VPS4B: variants seen among roughly 807,000 people sequenced by gnomAD.
The protein encoded by VPS4B is vacuolar protein sorting-associated protein 4B.
A neutral mutation model predicts 56.1 loss-of-function variants in VPS4B; 23 were observed. That is an observed-to-expected ratio of 0.41 (90% CI 0.30 to 0.58). The LOEUF (loss-of-function observed/expected upper bound fraction) is 0.58, where lower values mean the gene tolerates loss of function less well. Among genes scored for constraint, VPS4B ranks in the 20% least tolerant of loss-of-function variants. VPS4B has a pLI of 0.29. For synonymous variants in VPS4B, 177 were observed against 186.0 expected, an observed-to-expected ratio of 0.95 and a Z score of 0.39; for missense variants, 372 against 531.9, an observed-to-expected ratio of 0.70 and a Z score of 2.96.
intron 7 of VPS4B, 109 bp from the exon 8 acceptor site, chr18:63,399,432 T>C (rs1019225510): frequency 2.2e-6 from 2 of 893,552 alleles, no homozygotes; most frequent in Admixed American, 4.5e-5. Context: ...AAGTGCTTCA[T>C]CTTGAGAGTC....
intron 1 of VPS4B, 142 bp from the exon 2 acceptor site, chr18:63,411,720 A>G (rs1916050340): frequency 1.0e-5 from 5 of 480,314 alleles, no homozygotes; most frequent in Non-Finnish European, 1.7e-5. Flanking sequence ...TAAGTAAAAA[A>G]TAAACAGTAA....
chr18:63,400,473 T>G, intron 6 of VPS4B, 74 bp downstream of exon 6: 1 of 1,437,496 alleles, frequency 7.0e-7, no homozygotes, highest in Non-Finnish European at 9.4e-7. Context: ...ATAAGTGATG[T>G]AAGAAATCTA....
intron 5 of VPS4B, among the ~76,000 whole-genome samples, chr18:63,402,666 T>G (rs922763415): frequency 6.6e-6 from 1 of 152,220 alleles, no homozygotes; most frequent in Admixed American, 6.5e-5. Context: ...GACTCATGTT[T>G]GAGAAAAAGT....
At chr18:63,407,277 C>T in intron 4 of VPS4B, 155 bp downstream of exon 4, 1 of 647,136 alleles carries the variant, frequency 1.5e-6, no homozygotes, top group Non-Finnish European at 2.6e-6. Flanking sequence ...CCTAAGAAAA[C>T]ACTCTAAACA....
Position 63,397,094 on chromosome 18 carries a change from A to G in VPS4B, c.1032T>C (p.Ile344=), listed in dbSNP as rs750420066. Residue 344 remains isoleucine (I), a synonymous_variant, in exon 9 of 11, where the codon ATT becomes ATC. Transcript: ENST00000238497. ...CAGGCTGCATAAGGGCATCACGTACAATGATACTTATATCTGCCCCTGAAT... is the reference window on the plus strand; with the variant it reads ...CAGGCTGCATAAGGGCATCACGTACGATGATACTTATATCTGCCCCTGAAT... ...DGYSGADISI[I]VRDALMQPVR... 6 of 1,614,052 alleles carry G rather than the reference A, an allele frequency of 3.7e-6. No individual in the cohort carries two copies. In the East Asian group the frequency reaches 1.1e-4, roughly 30 times the overall value.
At chr18:63,396,098 T>C (rs934225784) in intron 9 of VPS4B, among the ~76,000 whole-genome samples, 2 of 152,218 alleles carry the variant, frequency 1.3e-5, no homozygotes, top group Non-Finnish European at 2.9e-5. Flanking sequence ...CTTTATGAGG[T>C]ATAAATGCAC....
intron 2 of VPS4B, among the ~76,000 whole-genome samples, chr18:63,410,972 C>T (rs1916028006): frequency 6.6e-6 from 1 of 152,194 alleles, no homozygotes. Flanking sequence ...TTTGGCAACA[C>T]GTGCAATAGA....
chr18:63,402,846 C>T (rs143777213), intron 5 of VPS4B, among the ~76,000 whole-genome samples: 2 of 152,318 alleles, frequency 1.3e-5, no homozygotes, highest in South Asian at 2.1e-4. Flanking sequence ...CTCTTCATCA[C>T]TGCTCTATAC....
Position 63,398,204 on chromosome 18 carries a change from C to CAT in VPS4B, c.873-953_873-952dup, listed in dbSNP as rs200905713. Among the ~76,000 whole-genome samples the CAT allele has an allele frequency of 3.5e-3, 396 of 112,444 alleles. 4 individuals are homozygous for CAT. Among genetic ancestry groups the CAT allele is most frequent in the African/African-American group, 6.4e-3 (198 of 30,742 alleles). The allele number at this position is 112,444 out of a possible 152,430, so 73.8% of individuals were successfully genotyped here. A position where few individuals can be genotyped will look rare whatever the true frequency, so the allele number is the denominator to read the frequency against. On this transcript the variant is annotated intron_variant, in intron 8 of 10. Coordinates refer to ENST00000238497, the MANE Select transcript of VPS4B (RefSeq NM_004869.4). The stretch of plus-strand genomic sequence containing the variant: ...ATATACATATATACACACACACACA[C>CAT]ATATATATATATATATATATTTTTT...
At chr18:63,392,448 TTTGTTG>T (rs567838263) in intron 10 of VPS4B, among the ~76,000 whole-genome samples, 1 of 152,174 alleles carries the variant, frequency 6.6e-6, no homozygotes, top group East Asian at 1.9e-4. Context: ...GGTTTTTGTT[TTTGTTG>T]TTGTTGTTTT....
intron 6 of VPS4B, 85 bp from the exon 7 acceptor site, chr18:63,400,281 T>C (rs570435571): frequency 3.5e-5 from 48 of 1,369,728 alleles, no homozygotes; most frequent in Non-Finnish European, 4.7e-5. Context: ...AAGAACTCTG[T>C]AGATTAAAAA....
chr18:63,404,288 G>GA (rs945826885), intron 4 of VPS4B, among the ~76,000 whole-genome samples: 20 of 148,028 alleles, frequency 1.4e-4, no homozygotes, highest in South Asian at 4.3e-4. Flanking sequence ...CTCAACCACT[G>GA]AAAAAAAAAA....
chr18:63,392,063 GGTTA>G (rs1325071393), intron 10 of VPS4B, among the ~76,000 whole-genome samples: 1 of 152,100 alleles, frequency 6.6e-6, no homozygotes, highest in Non-Finnish European at 1.5e-5. Context: ...TAAGCATTAT[GGTTA>G]GTTCACACAC....
At chr18:63,418,826 C>T (rs1266105718) in intron 1 of VPS4B, among the ~76,000 whole-genome samples, 1 of 152,170 alleles carries the variant, frequency 6.6e-6, no homozygotes, top group Non-Finnish European at 1.5e-5. Flanking sequence ...CAGGATGTGA[C>T]TCTGTATGCC....
At chr18:63,412,463 T>A (rs945800513) in intron 1 of VPS4B, among the ~76,000 whole-genome samples, 26 of 152,300 alleles carry the variant, frequency 1.7e-4, no homozygotes, top group African/African-American at 3.6e-4. Context: ...GGCATTTTTT[T>A]AAAAAGTCCC....
intron 5 of VPS4B, among the ~76,000 whole-genome samples, chr18:63,401,659 C>T (rs549359734): frequency 4.5e-4 from 69 of 152,206 alleles, no homozygotes; most frequent in African/African-American, 1.6e-3. Flanking sequence ...TAAAATAAAA[C>T]AGGTGGGTTA....
At chr18:63,395,121 A>C (rs1389357230) in intron 9 of VPS4B, among the ~76,000 whole-genome samples, 2 of 152,236 alleles carry the variant, frequency 1.3e-5, no homozygotes, top group Non-Finnish European at 2.9e-5. Flanking sequence ...GATAAAACTC[A>C]TCTGGCTGTG....
intron 3 of VPS4B, among the ~76,000 whole-genome samples, chr18:63,408,167 A>G (rs1599362464): frequency 6.6e-6 from 1 of 152,364 alleles, no homozygotes; most frequent in Admixed American, 6.5e-5. Context: ...ATATGACAGG[A>G]TACATTGCAA....
chr18:63,410,195 G>A (rs554249342), intron 3 of VPS4B, 95 bp downstream of exon 3: 2 of 1,514,432 alleles, frequency 1.3e-6, no homozygotes, highest in South Asian at 1.3e-5. Context: ...TTTGGCCCAT[G>A]AGCCATAGTT....
Sources: gnomAD v4.1 joint callset for allele counts (sites outside exome capture counted in the v4.1 genomes callset) on GRCh38, gnomAD v4.1.1 for gene constraint, MANE v1.5 for transcripts, NCBI Gene and HGNC (gene_info 2026-07-23, HGNC 2026-07-21) for gene names.